ZNF536: variants seen among roughly 807,000 people sequenced by gnomAD.
ZNF536 encodes the protein zinc finger protein 536.
In ZNF536, 13 loss-of-function variants were observed where a neutral mutation model predicts 84.5. That is an observed-to-expected ratio of 0.15 (90% CI 0.10 to 0.24). The LOEUF is 0.24. Among genes scored for constraint, ZNF536 ranks in the 10% least tolerant of loss-of-function variants. ZNF536 has a pLI of 1.00. For synonymous variants in ZNF536, 811 were observed against 742.5 expected (o/e 1.09, Z -1.50); for missense variants, 1,536 against 1,747.5 (o/e 0.88, Z 2.16).
At chr19:30,267,080 A>G (rs1362642215) in intron 1 of ZNF536, among the ~76,000 whole-genome samples, 1 of 152,270 alleles carries the variant, frequency 6.6e-6, no homozygotes, top group African/African-American at 2.4e-5. Flanking sequence ...AATTTTAACA[A>G]TGATTAATGA....
At chr19:30,286,975 G>A (rs1191561365) in intron 2 of ZNF536, among the ~76,000 whole-genome samples, 1 of 152,172 alleles carries the variant, frequency 6.6e-6, no homozygotes, top group African/African-American at 2.4e-5. Context: ...ATTTACCTTT[G>A]TGTTAGGAAG....
chr19:30,453,084 G>A (rs1408521536), intron 2 of ZNF536, among the ~76,000 whole-genome samples: 3 of 152,172 alleles, frequency 2.0e-5, no homozygotes, highest in African/African-American at 7.2e-5. Flanking sequence ...CTGGCAGGAT[G>A]GGGCGATGGC....
At chr19:30,607,589 G>A (rs1373356640) in intron 1 of ZNF536, among the ~76,000 whole-genome samples, 1 of 151,730 alleles carries the variant, frequency 6.6e-6, no homozygotes, top group Non-Finnish European at 1.5e-5. Context: ...GGACGTGGTG[G>A]TGCACACCTG....
chr19:30,590,857 GAA>G (rs758034493), intron 1 of ZNF536, among the ~76,000 whole-genome samples: 1 of 152,242 alleles, frequency 6.6e-6, no homozygotes, highest in Admixed American at 6.5e-5. Context: ...TCCAGCTGTT[GAA>G]GGGAAGGCCA....
chr19:30,527,494 A>C (rs556630343), intron 2 of ZNF536, among the ~76,000 whole-genome samples: 10 of 152,060 alleles, frequency 6.6e-5, no homozygotes, highest in African/African-American at 2.4e-4. Context: ...CGTTTTCTAA[A>C]ATAGCTCTTT....
chr19:30,250,059 C>A (rs1430999652), intron 1 of ZNF536, among the ~76,000 whole-genome samples: 1 of 152,168 alleles, frequency 6.6e-6, no homozygotes, highest in Non-Finnish European at 1.5e-5. Flanking sequence ...GTGACCTGTG[C>A]TGTTCTCCAG....
intron 1 of ZNF536, among the ~76,000 whole-genome samples, chr19:30,648,140 G>T (rs1158719876): frequency 6.6e-6 from 1 of 152,064 alleles, no homozygotes; most frequent in Admixed American, 6.5e-5. Flanking sequence ...CCAGAACACA[G>T]ACTAAAAAGG....
chr19:30,662,664 G>C (rs2050164626), intron 1 of ZNF536, among the ~76,000 whole-genome samples: 1 of 152,094 alleles, frequency 6.6e-6, no homozygotes, highest in South Asian at 2.1e-4. Flanking sequence ...TCAATGAAGA[G>C]TGTACCAATT....
intron 3 of ZNF536, among the ~76,000 whole-genome samples, chr19:30,364,386 G>T (rs1158932836): frequency 5.9e-5 from 9 of 152,178 alleles, no homozygotes; most frequent in African/African-American, 1.9e-4. Context: ...AATTAGCTGG[G>T]CATGGTGGCG....
chr19:30,429,177 G>T (rs1350033458), intron 1 of ZNF536, among the ~76,000 whole-genome samples: 1 of 152,156 alleles, frequency 6.6e-6, no homozygotes, highest in Non-Finnish European at 1.5e-5. Context: ...TGGGAGAGGA[G>T]GTCAGTGCAC....
chr19:30,226,397 C>CT (rs576558345), upstream of ZNF536, among the ~76,000 whole-genome samples: 5,049 of 147,092 alleles, frequency 0.034, 192 homozygotes, highest in Admixed American at 0.13. This position sits in a 1 kb window ranked among gnomAD's most constrained non-coding sequence, Gnocchi z 4.6. Flanking sequence ...AATTTGCAAC[C>CT]TTTTTTTTTT....
At chr19:30,703,455 C>A (rs1264498215) in intron 1 of ZNF536, among the ~76,000 whole-genome samples, 1 of 152,178 alleles carries the variant, frequency 6.6e-6, no homozygotes, top group African/African-American at 2.4e-5. Context: ...AGAGGCCTCA[C>A]CCACATCAAA....
At chr19:30,588,462 G>C (rs1459186462) in intron 1 of ZNF536, among the ~76,000 whole-genome samples, 1 of 152,214 alleles carries the variant, frequency 6.6e-6, no homozygotes, top group Non-Finnish European at 1.5e-5. Context: ...GAAGCAAGAG[G>C]ATGGGAGGTC....
At chr19:30,536,205 C>A (rs1330959585) in intron 3 of ZNF536, among the ~76,000 whole-genome samples, 1 of 152,190 alleles carries the variant, frequency 6.6e-6, no homozygotes, top group Non-Finnish European at 1.5e-5. Context: ...TCCTTGGCAC[C>A]TTTCTGAAAC....
chr19:30,339,550 C>T (rs143081262), intron 2 of ZNF536, among the ~76,000 whole-genome samples: 2,415 of 152,206 alleles, frequency 0.016, 40 homozygotes, highest in Non-Finnish European at 0.019. Flanking sequence ...TGCCTACCCT[C>T]GGGCAGAGCT....
intron 1 of ZNF536, among the ~76,000 whole-genome samples, chr19:30,383,960 C>CTCCCT (rs1568377582): frequency 5.4e-5 from 5 of 92,734 alleles, no homozygotes; most frequent in Admixed American, 2.6e-4. Context: ...CTCCCCTCCC[C>CTCCCT]TTCCCTTCCT....
chr19:30,678,734 C>CA (rs1568663725), intron 1 of ZNF536, among the ~76,000 whole-genome samples: 1 of 49,896 alleles, frequency 2.0e-5, no homozygotes, highest in African/African-American at 6.4e-5. Flanking sequence ...CACCCCCAAG[C>CA]CCCCCCACAC....
intron 1 of ZNF536, among the ~76,000 whole-genome samples, chr19:30,408,186 G>GT (rs1458854517): frequency 5.9e-5 from 9 of 152,288 alleles, no homozygotes; most frequent in African/African-American, 1.9e-4. Context: ...AGTTCAACCT[G>GT]TTTTTTGCTT....
intron 2 of ZNF536, among the ~76,000 whole-genome samples, chr19:30,509,165 A>AT (rs906604967): frequency 3.4e-5 from 5 of 149,092 alleles, no homozygotes; most frequent in Admixed American, 1.3e-4. Context: ...TGGGATTGAG[A>AT]TTTTTTCCAA....
Sources: gnomAD v4.1 joint callset for allele counts (sites outside exome capture counted in the v4.1 genomes callset) on GRCh38, gnomAD v4.1.1 for gene constraint, Gnocchi (gnomAD v3.1) non-coding constraint, MANE v1.5 for transcripts, NCBI Gene and HGNC (gene_info 2026-07-23, HGNC 2026-07-21) for gene names.